Variants in LPIN2 observed in about 807,000 individuals in gnomAD.
LPIN2 encodes the protein phosphatidate phosphatase LPIN2.
In LPIN2, 55 loss-of-function variants were observed where a neutral mutation model predicts 111.4. That is an observed-to-expected ratio of 0.49 (90% CI 0.40 to 0.62). The LOEUF is 0.62. Among genes scored for constraint, LPIN2 ranks in the 20% least tolerant of loss-of-function variants. LPIN2 has a pLI of 0.00. For synonymous variants in LPIN2, 425 were observed against 414.0 expected (o/e 1.03, Z -0.32); for missense variants, 992 against 1,112.1 (o/e 0.89, Z 1.54).
At chr18:2,997,637 A>G (rs1408863352) in intron 1 of LPIN2, among the ~76,000 whole-genome samples, 2 of 152,162 alleles carry the variant, frequency 1.3e-5, no homozygotes. Context: ...TATGGCATCA[A>G]TCATTGTTTA....
At chr18:2,954,694 T>C (rs2077583660) in intron 2 of LPIN2, 95 bp from the exon 3 acceptor site, 3 of 906,154 alleles carry the variant, frequency 3.3e-6, no homozygotes, top group South Asian at 2.7e-5. Flanking sequence ...AAACTTAGCA[T>C]AGTTTTGAGG....
rs1568503528 is a variant in LPIN2, at chr18:2,920,255, A to G, written c.*38T>C. The G allele has an allele frequency of 1.9e-6, 3 of 1,613,270 alleles. No homozygotes were observed. The highest frequency in any genetic ancestry group is 3.3e-5 in the Admixed American group (2 of 60,014). ...CCAGCTGCCTTCCCTTGCTGTGGGG[A>G]GGGGGACCAAGCCCTGCCCACCCAC... On this transcript the variant is annotated 3_prime_UTR_variant, in exon 20 of 20. Coordinates refer to ENST00000677752, the MANE Select transcript of LPIN2 (RefSeq NM_001375808.2).
At chr18:2,966,249 C>T (rs1470656056) in intron 1 of LPIN2, among the ~76,000 whole-genome samples, 2 of 152,174 alleles carry the variant, frequency 1.3e-5, no homozygotes, top group Admixed American at 6.5e-5. Context: ...AAAATGGATA[C>T]ATTCTAAACC....
intron 1 of LPIN2, among the ~76,000 whole-genome samples, chr18:3,003,053 A>C (rs926343057): frequency 6.6e-6 from 1 of 152,248 alleles, no homozygotes; most frequent in Non-Finnish European, 1.5e-5. Context: ...ACCTCATTTA[A>C]TCCTCAGAAC....
At chr18:2,936,071 T>C (rs548830645) in intron 7 of LPIN2, among the ~76,000 whole-genome samples, 3 of 152,346 alleles carry the variant, frequency 2.0e-5, no homozygotes, top group South Asian at 4.1e-4. Flanking sequence ...TAAGCCACCA[T>C]TCGCTAGATG....
intron 1 of LPIN2, among the ~76,000 whole-genome samples, chr18:2,988,212 T>C (rs940117417): frequency 3.3e-5 from 5 of 152,046 alleles, no homozygotes; most frequent in Non-Finnish European, 5.9e-5. Context: ...CCTGACTATA[T>C]TCTGCCACTC....
rs201473097 is a variant in LPIN2 at position 2,960,716 on chromosome 18, C to G, written c.125G>C (p.Ser42Thr). 38 of 1,613,968 alleles carry G rather than the reference C, an allele frequency of 2.4e-5. No homozygotes were observed. The highest frequency in any genetic ancestry group is 2.9e-5 in the Non-Finnish European group (34 of 1,180,026). Reference sequence around the variant, plus strand: ...AACGTGAAAAGGTGAACACTGATAGCTGCCATCCTGCTGCTGTACCACGAT... The same window carrying G: ...AACGTGAAAAGGTGAACACTGATAGGTGCCATCCTGCTGCTGTACCACGAT... ...DVIVVQQQDG[S>T]YQCSPFHVRF... Residue 42 changes from serine to threonine, a missense_variant, in exon 2 of 20, where the codon AGC (serine) becomes ACC (threonine). Ser to Thr is a moderately conservative substitution (Grantham distance 58). This residue lies in a region of LPIN2 where 67 missense variants were observed against 112.1 expected (regional missense o/e 0.60). Transcript: ENST00000677752.
rs1197578344 is a variant in LPIN2, at chr18:2,920,791, CTT to C, written c.2531_2532del (p.Lys844ArgfsTer11). 1 of 1,613,930 alleles carries C rather than the reference CTT, an allele frequency of 6.2e-7. No individual in the cohort carries two copies. On this transcript the variant is annotated frameshift_variant, in exon 19 of 20. Coordinates refer to ENST00000677752, the MANE Select transcript of LPIN2 (RefSeq NM_001375808.2). LOFTEE classifies it high-confidence loss of function. ...GAATGTACTTACGATGACTTGTTTC[CTT>C]TGGTTCTTTCTTGTATTAATTCACC... The part of the protein sequence containing the change: ...PKGELIQERT[K>X]GNKSSYHRLS...
intron 1 of LPIN2, among the ~76,000 whole-genome samples, chr18:3,005,706 C>G (rs536872795): frequency 2.1e-5 from 3 of 142,012 alleles, no homozygotes; most frequent in Admixed American, 1.4e-4. Context: ...CACACACACA[C>G]AGCTTATCCA....
intron 4 of LPIN2, among the ~76,000 whole-genome samples, chr18:2,948,549 C>T (rs1332905701): frequency 6.6e-6 from 1 of 152,140 alleles, no homozygotes; most frequent in Non-Finnish European, 1.5e-5. Flanking sequence ...CTAAATGTTG[C>T]TCTATTATGT....
intron 4 of LPIN2, among the ~76,000 whole-genome samples, chr18:2,942,247 T>G (rs942201774): frequency 6.6e-6 from 1 of 152,168 alleles, no homozygotes; most frequent in Non-Finnish European, 1.5e-5. Context: ...GGCATACCAC[T>G]CATTGAAGGG....
Position 2,919,881 on chromosome 18 carries a change from G to T in LPIN2, c.*412C>A. 3.6e-6 allele frequency: 1 copy of T among 279,342 alleles called. No homozygotes were observed. Among genetic ancestry groups the T allele is most frequent in the South Asian group, 3.8e-5 (1 of 26,134 alleles). The allele number at this position is 279,342 out of a possible 1,614,324, so 17.3% of individuals were successfully genotyped here. A position where few individuals can be genotyped will look rare whatever the true frequency, so the allele number is the denominator to read the frequency against. The stretch of plus-strand genomic sequence containing the variant: ...CAGCAGTTCAGGGACCCTGACATCT[G>T]AAGACAGCCCTGGTTACAGAAGCCA... On this transcript the variant is annotated 3_prime_UTR_variant, in exon 20 of 20. Transcript: ENST00000677752.
In LPIN2 at chr18:2,940,830, ACT is replaced by A. The variant is rs945280781; in HGVS notation, c.591-120_591-119del. On this transcript the variant is annotated intron_variant, in intron 4 of 19. Transcript: ENST00000677752. The stretch of plus-strand genomic sequence containing the variant: ...AATGAAGAGGGGCAAATGATTACTA[ACT>A]CTCTCTAAAATATATGAAGGAGAAG... 3.5e-4 allele frequency: 243 copies of A among 701,046 alleles called. 2 individuals are homozygous for A. Among genetic ancestry groups the A allele is most frequent in the Admixed American group, 9.9e-4 (49 of 49,288 alleles). 43.4% of individuals were successfully genotyped at this position (701,046 alleles called of 1,614,324 possible).
At chr18:3,004,772 ATGT>A (rs2078486668) in intron 1 of LPIN2, among the ~76,000 whole-genome samples, 1 of 152,186 alleles carries the variant, frequency 6.6e-6, no homozygotes, top group African/African-American at 2.4e-5. Flanking sequence ...TTTAGGGATC[ATGT>A]TGTATGAGAA....
intron 1 of LPIN2, 46 bp downstream of exon 1, chr18:3,013,041 A>G (rs2078634069): frequency 6.6e-6 from 1 of 150,560 alleles, no homozygotes; most frequent in African/African-American, 2.4e-5. Flanking sequence ...ACTCACCGCC[A>G]GCCCCGGAGG....
intron 1 of LPIN2, among the ~76,000 whole-genome samples, chr18:2,991,365 T>C (rs144287770): frequency 1.6e-3 from 243 of 152,258 alleles, no homozygotes; most frequent in Admixed American, 6.2e-3. Flanking sequence ...TTGTGCACTG[T>C]TGGTGAGAAT....
rs2077256730 is a variant in LPIN2, at chr18:2,934,434, G to A, written c.1185C>T (p.Ser395=). The A allele has an allele frequency of 2.5e-6, 4 of 1,612,260 alleles. No homozygotes were observed. The East Asian group carries it at 6.7e-5, about 27-fold the overall frequency. ...PSKKKGVHKR[S]QHQGPDDIYL... is the part of the protein sequence containing the mutation. ...AAATATCATCAGGTCCCTGGTGTTG[G>A]CTTCTTTTGTGAACACCTGTTTAAA... Residue 395 remains serine (S), a synonymous_variant, in exon 8 of 20, where the codon AGC becomes AGT. Coordinates refer to ENST00000677752, the MANE Select transcript of LPIN2 (RefSeq NM_001375808.2).
chr18:3,012,965 C>T (rs1198812225), intron 1 of LPIN2, 122 bp downstream of exon 1: 1 of 150,978 alleles, frequency 6.6e-6, no homozygotes, highest in Non-Finnish European at 1.5e-5. Context: ...CGCGCCGCCC[C>T]GGAGGGTCCC....
intron 1 of LPIN2, among the ~76,000 whole-genome samples, chr18:3,000,054 AGAAGAGGAG>A (rs1227342245): frequency 6.7e-6 from 1 of 148,580 alleles, no homozygotes; most frequent in Non-Finnish European, 1.5e-5. Context: ...TTTAAAAAGA[AGAAGAGGAG>A]GAGGAGGAGG....
Sources: gnomAD v4.1 joint callset for allele counts (sites outside exome capture counted in the v4.1 genomes callset) on GRCh38, gnomAD v4.1.1 for gene constraint, gnomAD v4.1.1 regional missense constraint, MANE v1.5 for transcripts, NCBI Gene and HGNC (gene_info 2026-07-23, HGNC 2026-07-21) for gene names.